Variants in NRXN3 observed in about 807,000 individuals in gnomAD.
NRXN3 encodes neurexin 3, also known as neurexin III.
Under a neutral mutation model 137.6 loss-of-function variants are expected in NRXN3, and 32 were observed. The observed-to-expected ratio is 0.23, with a 90% CI of 0.18 to 0.31. The LOEUF is 0.31. Among genes scored for constraint, NRXN3 ranks in the 10% least tolerant of loss-of-function variants. The pLI is 1.00. For missense variants in NRXN3, 1,574 were observed against 2,062.5 expected (o/e 0.76, Z 4.59); for synonymous variants, 798 against 784.5 (o/e 1.02, Z -0.29).
At chr14:79,230,088 A>T (rs570607048) in intron 15 of NRXN3, among the ~76,000 whole-genome samples, 9 of 152,286 alleles carry the variant, frequency 5.9e-5, no homozygotes, top group Non-Finnish European at 8.8e-5. Context: ...TGCACTTTGT[A>T]TCTGGACTTG....
At chr14:79,597,185 C>G (rs2097866592) in intron 16 of NRXN3, among the ~76,000 whole-genome samples, 1 of 152,150 alleles carries the variant, frequency 6.6e-6, no homozygotes, top group Non-Finnish European at 1.5e-5. Flanking sequence ...TTTAATCTAG[C>G]ACTAATCCCT....
At chr14:78,836,603 G>A (rs2098997727) in intron 10 of NRXN3, among the ~76,000 whole-genome samples, 1 of 152,248 alleles carries the variant, frequency 6.6e-6, no homozygotes, top group Admixed American at 6.5e-5. Context: ...ATAACATGGT[G>A]CTCTAATTTG....
chr14:79,533,381 CTT>C lies in NRXN3; in HGVS notation c.3444+65980_3444+65981del, dbSNP rs141845491. ...TGTTTCATTCAGTGCAAAGTGTCAT[CTT>C]CTACCCCAGTGCCAAAAATTACTTC... On this transcript the variant is annotated intron_variant, in intron 16 of 20. Coordinates refer to ENST00000335750, the MANE Select transcript of NRXN3 (RefSeq NM_001330195.2). 9.6e-3 allele frequency among the ~76,000 whole-genome samples: 1,457 copies of C among 152,234 alleles called. 21 individuals are homozygous for C. Among genetic ancestry groups the C allele is most frequent in the African/African-American group, 0.034 (1,402 of 41,566 alleles).
At chr14:78,518,822 C>G (rs1184974996) in intron 4 of NRXN3, among the ~76,000 whole-genome samples, 1 of 152,012 alleles carries the variant, frequency 6.6e-6, no homozygotes, top group Non-Finnish European at 1.5e-5. Flanking sequence ...CAAAGCATAC[C>G]CCAGAACAAA....
intron 6 of NRXN3, among the ~76,000 whole-genome samples, chr14:78,656,379 G>A (rs1055297461): frequency 3.3e-5 from 5 of 152,100 alleles, no homozygotes; most frequent in African/African-American, 9.7e-5. Flanking sequence ...TGGAAGCATG[G>A]GGAAAGAGGT....
intron 20 of NRXN3, among the ~76,000 whole-genome samples, chr14:79,835,441 A>G (rs2099337990): frequency 6.6e-6 from 1 of 152,150 alleles, no homozygotes; most frequent in African/African-American, 2.4e-5. Flanking sequence ...CCTTTTAATG[A>G]TATATAAGAA....
intron 19 of NRXN3, among the ~76,000 whole-genome samples, chr14:79,720,115 G>C (rs150072473): frequency 5.3e-5 from 8 of 152,188 alleles, no homozygotes; most frequent in South Asian, 2.1e-4. Context: ...AATAGACTCA[G>C]AGTTCCACAT....
chr14:79,262,564 G>GGAA (rs544652817), intron 15 of NRXN3, among the ~76,000 whole-genome samples: 24 of 150,814 alleles, frequency 1.6e-4, no homozygotes, highest in Admixed American at 1.3e-3. Context: ...AGGAGGAGGA[G>GGAA]GAAGAAGAAG....
intron 10 of NRXN3, among the ~76,000 whole-genome samples, chr14:78,898,608 A>G (rs1318757359): frequency 1.3e-5 from 2 of 148,200 alleles, no homozygotes; most frequent in African/African-American, 2.5e-5. Context: ...TGTGTCTGAT[A>G]TATCAAGCTG....
intron 15 of NRXN3, among the ~76,000 whole-genome samples, chr14:79,293,291 T>C (rs2083491731): frequency 6.6e-6 from 1 of 152,210 alleles, no homozygotes; most frequent in African/African-American, 2.4e-5. Context: ...CCCTGAGGAA[T>C]GATCATGCCC....
chr14:79,110,794 ATTTT>A (rs869196616), intron 15 of NRXN3, among the ~76,000 whole-genome samples: 2,122 of 145,920 alleles, frequency 0.015, 33 homozygotes, highest in African/African-American at 0.036. Context: ...TTATTTATTT[ATTTT>A]TTTATTTTTT....
At chr14:79,401,019 T>G (rs1403344387) in intron 15 of NRXN3, among the ~76,000 whole-genome samples, 1 of 152,128 alleles carries the variant, frequency 6.6e-6, no homozygotes, top group Non-Finnish European at 1.5e-5. Flanking sequence ...CTTACAATTC[T>G]CAAGCATCAG....
At chr14:79,233,095 C>T (rs1393143596) in intron 15 of NRXN3, among the ~76,000 whole-genome samples, 2 of 152,176 alleles carry the variant, frequency 1.3e-5, no homozygotes, top group African/African-American at 4.8e-5. Context: ...TATTCTGTCA[C>T]ATAAATTCTG....
At position 78,434,851 on chromosome 14, in the gene NRXN3, C is replaced by A. The variant is rs117649109; in HGVS notation, c.757+136991C>A. 1.0e-3 allele frequency among the ~76,000 whole-genome samples: 154 copies of A among 152,178 alleles called. 4 individuals are homozygous for A. In the East Asian group the frequency reaches 0.026, roughly 26 times the overall value. ...TGCTCCACTCAAGAAGCAGCTGTGG[C>A]CAAGAGGAGGCCAGGTGGTGAGAAG... is the stretch of plus-strand genomic sequence containing the variant. On this transcript the variant is annotated intron_variant, in intron 4 of 20. Transcript: ENST00000335750.
intron 4 of NRXN3, among the ~76,000 whole-genome samples, chr14:78,455,628 C>T (rs2094678191): frequency 6.6e-6 from 1 of 152,134 alleles, no homozygotes; most frequent in Admixed American, 6.5e-5. Context: ...TCATATTTAC[C>T]AAGCACCTTT....
intron 20 of NRXN3, among the ~76,000 whole-genome samples, chr14:79,840,381 T>C (rs2099353493): frequency 6.6e-6 from 1 of 152,130 alleles, no homozygotes; most frequent in Non-Finnish European, 1.5e-5. Flanking sequence ...TGCAAAAAAG[T>C]AAATCTTCAG....
At chr14:79,815,039 CT>C (rs2099247495) in intron 20 of NRXN3, among the ~76,000 whole-genome samples, 1 of 152,184 alleles carries the variant, frequency 6.6e-6, no homozygotes, top group African/African-American at 2.4e-5. Context: ...AACACTTCAA[CT>C]TTGACCTAAA....
At chr14:78,917,043 C>T (rs907874013) in intron 10 of NRXN3, among the ~76,000 whole-genome samples, 1 of 152,180 alleles carries the variant, frequency 6.6e-6, no homozygotes, top group Non-Finnish European at 1.5e-5. Context: ...AAGACCCTAT[C>T]TTCAAATATG....
chr14:79,425,695 A>G (rs1032626056), intron 15 of NRXN3, among the ~76,000 whole-genome samples: 1 of 152,196 alleles, frequency 6.6e-6, no homozygotes, highest in Non-Finnish European at 1.5e-5. Flanking sequence ...TCTGTCTCTC[A>G]CAATCCAGTT....
Sources: gnomAD v4.1 joint callset for allele counts (sites outside exome capture counted in the v4.1 genomes callset) on GRCh38, gnomAD v4.1.1 for gene constraint, MANE v1.5 for transcripts, NCBI Gene and HGNC (gene_info 2026-07-23, HGNC 2026-07-21) for gene names.